Variants in KCNMB2 observed in about 807,000 individuals in gnomAD.
KCNMB2 encodes calcium-activated potassium channel subunit beta-2.
In KCNMB2, 9 loss-of-function variants were observed where a neutral mutation model predicts 24.5. The observed-to-expected ratio is 0.37, with a 90% CI of 0.22 to 0.64. KCNMB2 has a LOEUF of 0.64. Among genes scored for constraint, KCNMB2 ranks in the 30% least tolerant of loss-of-function variants. KCNMB2 has a pLI of 0.63. For synonymous variants in KCNMB2, 109 were observed against 104.4 expected (o/e 1.04, Z -0.27); for missense variants, 226 against 284.3 (o/e 0.79, Z 1.47).
chr3:178,643,607 C>G (rs563393603), intron 1 of KCNMB2, among the ~76,000 whole-genome samples: 6 of 152,044 alleles, frequency 3.9e-5, no homozygotes, highest in Non-Finnish European at 8.8e-5. Context: ...ATAATCTTGT[C>G]AAAAAAGATA....
intron 1 of KCNMB2, among the ~76,000 whole-genome samples, chr3:178,546,218 A>G (rs1715767473): frequency 6.6e-6 from 1 of 152,226 alleles, no homozygotes; most frequent in Non-Finnish European, 1.5e-5. Flanking sequence ...TGGCTAGAGA[A>G]TGTCTATAAC....
chr3:178,565,452 T>C (rs887938498), intron 1 of KCNMB2, among the ~76,000 whole-genome samples: 2 of 152,156 alleles, frequency 1.3e-5, no homozygotes, highest in Non-Finnish European at 2.9e-5. Context: ...TGTGAGAGAA[T>C]AGGAAAAATT....
chr3:178,834,350 T>C (rs116323609), intron 4 of KCNMB2, among the ~76,000 whole-genome samples: 1,550 of 152,314 alleles, frequency 0.01, 25 homozygotes, highest in African/African-American at 0.033. Flanking sequence ...TTTTACTTCA[T>C]CATGCTTGCT....
rs1721631768 is a variant in KCNMB2 at position 178,690,484 on chromosome 3, T to C, written c.-67-116859T>C. 4.6e-5 allele frequency among the ~76,000 whole-genome samples: 7 copies of C among 151,408 alleles called. No homozygotes were observed. In the South Asian group the frequency reaches 1.0e-3, roughly 23 times the overall value. ...TGCACCAAAATATATAAAAGCATCATTGAAGGAAGAGGAGAGGGATAAGAG... is the reference window on the plus strand; with the variant it reads ...TGCACCAAAATATATAAAAGCATCACTGAAGGAAGAGGAGAGGGATAAGAG... On this transcript the variant is annotated intron_variant, in intron 1 of 4. Coordinates refer to ENST00000452583, the MANE Select transcript of KCNMB2 (RefSeq NM_181361.3).
At chr3:178,544,805 T>G (rs1157992735) in intron 1 of KCNMB2, among the ~76,000 whole-genome samples, 1 of 152,164 alleles carries the variant, frequency 6.6e-6, no homozygotes, top group African/African-American at 2.4e-5. Context: ...CAACTAAAAT[T>G]TTAAAGTCTA....
intron 1 of KCNMB2, among the ~76,000 whole-genome samples, chr3:178,547,175 C>G (rs1715801969): frequency 6.6e-6 from 1 of 152,184 alleles, no homozygotes; most frequent in Non-Finnish European, 1.5e-5. Flanking sequence ...TCCTCCTTCA[C>G]TTCTCTCTTA....
chr3:178,575,848 A>G (rs552430107), intron 1 of KCNMB2, among the ~76,000 whole-genome samples: 12 of 152,316 alleles, frequency 7.9e-5, no homozygotes, highest in African/African-American at 2.9e-4. Context: ...CCCTGTTGGT[A>G]ACACTGTGAA....
chr3:178,751,573 C>CAAAAAAAAAAAAAAAAAAAAAAAA, intron 1 of KCNMB2, among the ~76,000 whole-genome samples: 1 of 47,692 alleles, frequency 2.1e-5, no homozygotes, highest in Non-Finnish European at 3.5e-5. Context: ...GACTCCGTCT[C>CAAAAAAAAAAAAAAAAAAAAAAAA]AAAAAAAAAA....
chr3:178,821,478 A>AT (rs1250958261), intron 2 of KCNMB2, among the ~76,000 whole-genome samples: 15 of 151,778 alleles, frequency 9.9e-5, no homozygotes, highest in African/African-American at 2.2e-4. Flanking sequence ...CCAAATGATA[A>AT]TTTTTGTTTT....
At chr3:178,711,445 A>G (rs969935183) in intron 1 of KCNMB2, among the ~76,000 whole-genome samples, 7 of 152,144 alleles carry the variant, frequency 4.6e-5, no homozygotes, top group African/African-American at 1.4e-4. Context: ...AGCTCCAGAC[A>G]ATCATTGTGG....
At chr3:178,622,813 A>C (rs1718970979) in intron 1 of KCNMB2, among the ~76,000 whole-genome samples, 1 of 152,188 alleles carries the variant, frequency 6.6e-6, no homozygotes, top group South Asian at 2.1e-4. Flanking sequence ...AGTCTGACAC[A>C]AACGTAGGAT....
chr3:178,687,814 T>C (rs1242927331), intron 1 of KCNMB2, among the ~76,000 whole-genome samples: 1 of 152,068 alleles, frequency 6.6e-6, no homozygotes, highest in Admixed American at 6.6e-5. Context: ...AAGAAAAAAA[T>C]TCAAAACTCT....
intron 1 of KCNMB2, among the ~76,000 whole-genome samples, chr3:178,611,594 A>G (rs1718485923): frequency 6.6e-6 from 1 of 152,106 alleles, no homozygotes; most frequent in African/African-American, 2.4e-5. Context: ...AGTCCCAGCT[A>G]TTCGGGAGGC....
chr3:178,813,729 G>A (rs146088966), intron 2 of KCNMB2, among the ~76,000 whole-genome samples: 1 of 152,040 alleles, frequency 6.6e-6, no homozygotes, highest in Non-Finnish European at 1.5e-5. Context: ...CTCATCATTT[G>A]TTTGTGTAAT....
intron 1 of KCNMB2, among the ~76,000 whole-genome samples, chr3:178,644,499 C>G (rs60413092): frequency 0.078 from 11,839 of 152,316 alleles, 567 homozygotes; most frequent in Middle Eastern, 0.2. Flanking sequence ...CCTGAGACAC[C>G]TGGAACTCCA....
At chr3:178,731,741 TAAA>T (rs1461929916) in intron 1 of KCNMB2, among the ~76,000 whole-genome samples, 1 of 151,984 alleles carries the variant, frequency 6.6e-6, no homozygotes, top group Non-Finnish European at 1.5e-5. Flanking sequence ...TTATCTCTAA[TAAA>T]AATACAAAAT....
At chr3:178,817,015 G>T (rs568791798) in intron 2 of KCNMB2, among the ~76,000 whole-genome samples, 5 of 152,066 alleles carry the variant, frequency 3.3e-5, no homozygotes, top group African/African-American at 9.7e-5. Flanking sequence ...ATATCATTGG[G>T]AGAGTGTGTT....
chr3:178,774,098 C>T (rs1270467132), intron 1 of KCNMB2, among the ~76,000 whole-genome samples: 1 of 152,134 alleles, frequency 6.6e-6, no homozygotes, highest in African/African-American at 2.4e-5. Flanking sequence ...GGGCCAAAGG[C>T]TGTGTGAAGC....
At chr3:178,591,842 G>A (rs1717686708) in intron 1 of KCNMB2, among the ~76,000 whole-genome samples, 1 of 152,082 alleles carries the variant, frequency 6.6e-6, no homozygotes, top group Non-Finnish European at 1.5e-5. Flanking sequence ...CAGTCCACAG[G>A]TTGAAAAGAT....
Sources: allele counts gnomAD v4.1 joint callset (sites outside exome capture counted in the v4.1 genomes callset), GRCh38; gene constraint gnomAD v4.1.1; transcripts MANE v1.5; gene names NCBI Gene and HGNC (gene_info 2026-07-23, HGNC 2026-07-21).